The following GFRAL variants were observed in gnomAD, a reference collection of about 807,000 sequenced individuals.
GFRAL encodes the protein GDNF family receptor alpha like, also known as GDNF family receptor alpha-like.
GFRAL carries 36 observed loss-of-function variants against 45.4 expected under a neutral mutation model. That is an observed-to-expected ratio of 0.79 (90% confidence interval 0.61 to 1.05). GFRAL has a LOEUF of 1.05. Ranked by LOEUF, GFRAL falls within the 50% of genes least tolerant of loss-of-function variation. The probability of loss-of-function intolerance (pLI) is 0.00; values close to 1 mark genes in which losing one functional copy is unlikely to be tolerated. For missense variants in GFRAL, 507 were observed against 467.5 expected (o/e 1.08, Z -0.78); for synonymous variants, 166 against 154.1 (o/e 1.08, Z -0.57).
At position 55,333,817 on chromosome 6, in the gene GFRAL, A is replaced by G. The variant is rs764538521; in HGVS notation, c.189A>G (p.Ser63=). The part of the protein sequence containing the change: ...DPGDPCKMRN[S]SYCNLSIQYL... ...GTGACCCCTGCAAGATGAGGAATTCATCATACTGTAACCTGAGTATCCAGT... is the reference window on the plus strand; with the variant it reads ...GTGACCCCTGCAAGATGAGGAATTCGTCATACTGTAACCTGAGTATCCAGT... Residue 63 remains serine, a synonymous_variant, in exon 3 of 9, where the codon TCA becomes TCG. Coordinates refer to ENST00000340465, the MANE Select transcript of GFRAL (RefSeq NM_207410.2). 6 of 1,605,070 alleles carry G rather than the reference A, an allele frequency of 3.7e-6. No individual in the cohort carries two copies. In the Admixed American group the frequency reaches 8.6e-5, roughly 23 times the overall value.
chr6:55,346,096 C>T (rs1241426817), intron 3 of GFRAL, among the ~76,000 whole-genome samples: 2 of 152,176 alleles, frequency 1.3e-5, no homozygotes, highest in Non-Finnish European at 2.9e-5. Flanking sequence ...GTTGGTGGGA[C>T]TGTAAACTAG....
At chr6:55,351,639 TC>T in intron 5 of GFRAL, 56 bp downstream of exon 5, 1 of 1,283,110 alleles carries the variant, frequency 7.8e-7, no homozygotes, top group South Asian at 1.4e-5. Context: ...TTTGTTATAG[TC>T]CAGTCCTAAC....
chr6:55,347,056 G>A (rs777716741), intron 3 of GFRAL, among the ~76,000 whole-genome samples: 1 of 151,972 alleles, frequency 6.6e-6, no homozygotes, highest in Admixed American at 6.6e-5. Context: ...TATAGGGTTG[G>A]AGTTTTATAG....
At chr6:55,364,769 G>A (rs1562057503) in intron 6 of GFRAL, among the ~76,000 whole-genome samples, 1 of 151,798 alleles carries the variant, frequency 6.6e-6, no homozygotes, top group Non-Finnish European at 1.5e-5. Flanking sequence ...CGTGATTTCT[G>A]AGGGCTCTGT....
At chr6:55,337,885 C>A (rs1767912420) in intron 3 of GFRAL, among the ~76,000 whole-genome samples, 1 of 152,036 alleles carries the variant, frequency 6.6e-6, no homozygotes, top group South Asian at 2.1e-4. Flanking sequence ...AATGTGTTCT[C>A]CATTTTCTTG....
intron 6 of GFRAL, among the ~76,000 whole-genome samples, chr6:55,360,531 A>G (rs975162692): frequency 1.2e-4 from 18 of 152,118 alleles, no homozygotes; most frequent in Admixed American, 8.5e-4. Context: ...TTTGTTGTAT[A>G]TTATGTAATA....
chr6:55,346,983 T>G (rs1053915759), intron 3 of GFRAL, among the ~76,000 whole-genome samples: 1 of 152,086 alleles, frequency 6.6e-6, no homozygotes, highest in Non-Finnish European at 1.5e-5. Flanking sequence ...AAGTTGATAG[T>G]GTGACTTTTC....
At chr6:55,328,614 T>C (rs1562045737) in intron 1 of GFRAL, among the ~76,000 whole-genome samples, 3 of 152,076 alleles carry the variant, frequency 2.0e-5, no homozygotes, top group South Asian at 4.1e-4. Context: ...TTAATATTTC[T>C]TTAGTTCTTT....
At chr6:55,371,341 A>G (rs1274376345) in intron 6 of GFRAL, among the ~76,000 whole-genome samples, 1 of 152,198 alleles carries the variant, frequency 6.6e-6, no homozygotes, top group Admixed American at 6.5e-5. Flanking sequence ...GATTTTGACA[A>G]TTTATGGAAT....
intron 3 of GFRAL, among the ~76,000 whole-genome samples, chr6:55,344,552 G>C (rs915787313): frequency 1.3e-4 from 20 of 152,100 alleles, no homozygotes; most frequent in Non-Finnish European, 1.3e-4. Context: ...AAAATAATAA[G>C]AGCTATTTAT....
chr6:55,387,675 TTGA>T (rs1252696324), intron 6 of GFRAL, among the ~76,000 whole-genome samples: 1 of 152,182 alleles, frequency 6.6e-6, no homozygotes, highest in Non-Finnish European at 1.5e-5. Flanking sequence ...GAAGAATCCA[TTGA>T]TGATGGCAAC....
chr6:55,330,365 C>G (rs1767813719), intron 1 of GFRAL, among the ~76,000 whole-genome samples: 1 of 151,982 alleles, frequency 6.6e-6, no homozygotes, highest in Non-Finnish European at 1.5e-5. Flanking sequence ...GCTGTACAAT[C>G]CAGTGGTGGA....
At chr6:55,331,923 A>T in intron 2 of GFRAL, 74 bp downstream of exon 2, 4 of 1,409,052 alleles carry the variant, frequency 2.8e-6, no homozygotes, top group Non-Finnish European at 3.9e-6. Flanking sequence ...ATATTTTGTC[A>T]TTATCCTAAG....
In GFRAL at chr6:55,327,783, C is replaced by A. The variant is rs376666848; in HGVS notation, c.22+207C>A. ...ATTTCTAACTCTATAGATAATGCAG[C>A]ATGTGAAAATTGTATTAATCTCTCA... On this transcript the variant is annotated intron_variant, in intron 1 of 8. Transcript: ENST00000340465. Among the ~76,000 whole-genome samples, 41 of 152,134 alleles carry A rather than the reference C, an allele frequency of 2.7e-4. 1 individual carries two copies. In the South Asian group the frequency reaches 4.4e-3, roughly 16 times the overall value.
chr6:55,327,797 A>G (rs1207210390), intron 1 of GFRAL, among the ~76,000 whole-genome samples: 1 of 152,046 alleles, frequency 6.6e-6, no homozygotes, highest in African/African-American at 2.4e-5. Flanking sequence ...TGAAAATTGT[A>G]TTAATCTCTC....
At chr6:55,368,822 G>A (rs2127360050) in intron 6 of GFRAL, among the ~76,000 whole-genome samples, 1 of 152,290 alleles carries the variant, frequency 6.6e-6, no homozygotes, top group East Asian at 1.9e-4. Context: ...GCTGCGTGCT[G>A]GGGGAACCAC....
intron 4 of GFRAL, among the ~76,000 whole-genome samples, 172 bp from the exon 5 acceptor site, chr6:55,351,081 G>A (rs1475511075): frequency 1.3e-5 from 2 of 152,032 alleles, no homozygotes; most frequent in Non-Finnish European, 2.9e-5. Flanking sequence ...ATAAGTCTAC[G>A]ATTTAGGTCT....
chr6:55,355,939 G>C (rs187027157), intron 5 of GFRAL, among the ~76,000 whole-genome samples: 3 of 152,038 alleles, frequency 2.0e-5, no homozygotes, highest in Admixed American at 2.0e-4. Context: ...ATGAAGGAAC[G>C]TAGAGAACTT....
intron 6 of GFRAL, among the ~76,000 whole-genome samples, chr6:55,387,845 C>A (rs1768699216): frequency 6.6e-6 from 1 of 152,112 alleles, no homozygotes; most frequent in Non-Finnish European, 1.5e-5. Context: ...AGCTAATAAG[C>A]TATAAAATGA....
Sources: gnomAD v4.1 joint callset for allele counts (sites outside exome capture counted in the v4.1 genomes callset) on GRCh38, gnomAD v4.1.1 for gene constraint, MANE v1.5 for transcripts, NCBI Gene and HGNC (gene_info 2026-07-23, HGNC 2026-07-21) for gene names.